ERAP1: variants seen among roughly 807,000 people sequenced by gnomAD.
The protein encoded by ERAP1 is endoplasmic reticulum aminopeptidase 1, also known as adipocyte-derived leucine aminopeptidase.
A neutral mutation model predicts 103.7 loss-of-function variants in ERAP1; 86 were observed. That is an observed-to-expected ratio of 0.83 (90% CI 0.70 to 0.99). The LOEUF (loss-of-function observed/expected upper bound fraction) is 0.99. Among genes scored for constraint, ERAP1 ranks in the 50% least tolerant of loss-of-function variants. The probability of loss-of-function intolerance (pLI) is 0.00; values close to 1 mark genes in which losing one functional copy is unlikely to be tolerated. For missense variants in ERAP1, 1,009 were observed against 1,128.4 expected (o/e 0.89, Z 1.52); for synonymous variants, 398 against 402.4 (o/e 0.99, Z 0.13).
the ERAP1 span, among the ~76,000 whole-genome samples, chr5:96,816,743 C>T: frequency 6.6e-6 from 1 of 152,296 alleles, no homozygotes; most frequent in South Asian, 2.1e-4. Context: ...GACTTCCTGG[C>T]TTCTGCCACA....
the ERAP1 span, among the ~76,000 whole-genome samples, chr5:96,834,690 A>G: frequency 6.6e-6 from 1 of 152,218 alleles, no homozygotes; most frequent in East Asian, 1.9e-4. Flanking sequence ...AGTTTCTTCA[A>G]TGAAGAAACA....
At chr5:96,925,769 G>A in the ERAP1 span, among the ~76,000 whole-genome samples, 1 of 152,130 alleles carries the variant, frequency 6.6e-6, no homozygotes, top group Non-Finnish European at 1.5e-5. Flanking sequence ...TATACCTGTA[G>A]AATTTTCTAT....
At chr5:96,810,495 C>T (rs139429781), upstream of ERAP1, among the ~76,000 whole-genome samples, 76 of 152,240 alleles carry the variant, frequency 5.0e-4, no homozygotes, top group African/African-American at 1.7e-3. Context: ...TGAGACAGGT[C>T]GGCAACTTGC....
the ERAP1 span, among the ~76,000 whole-genome samples, chr5:96,865,892 G>A: frequency 6.6e-6 from 1 of 152,092 alleles, no homozygotes; most frequent in South Asian, 2.1e-4. Context: ...CTTTCATCAG[G>A]CCTTGTCAAG....
the ERAP1 span, among the ~76,000 whole-genome samples, chr5:96,923,677 C>G: frequency 7.9e-4 from 111 of 141,058 alleles, no homozygotes; most frequent in African/African-American, 2.8e-3. Context: ...CTGGGCGACA[C>G]AGTGAGACTC....
At chr5:96,895,172 C>T in the ERAP1 span, 1 of 818,472 alleles carries the variant, frequency 1.2e-6, no homozygotes, top group Non-Finnish European at 1.9e-6. Flanking sequence ...AAGTTAGTAA[C>T]TATTGTATTT....
At chr5:96,785,539 C>T (rs13186739) in intron 13 of ERAP1, 80,303 of 482,464 alleles carry the variant, frequency 0.17, 7,591 homozygotes, top group Non-Finnish European at 0.21. Context: ...TACACTTCCG[C>T]CTCAGTATGA....
At chr5:96,899,755 A>C in the ERAP1 span, among the ~76,000 whole-genome samples, 1 of 152,230 alleles carries the variant, frequency 6.6e-6, no homozygotes, top group African/African-American at 2.4e-5. Flanking sequence ...AGTTGCCTAC[A>C]TGCTAAATAG....
chr5:96,915,709 C>T, the ERAP1 span: 2 of 1,591,772 alleles, frequency 1.3e-6, no homozygotes, highest in South Asian at 1.1e-5. Flanking sequence ...GCTCATATGA[C>T]ATAAGGATGA....
At chr5:96,870,631 T>C in the ERAP1 span, among the ~76,000 whole-genome samples, 1 of 152,204 alleles carries the variant, frequency 6.6e-6, no homozygotes, top group African/African-American at 2.4e-5. Flanking sequence ...CTTGATGTAG[T>C]GAGTTAATAA....
chr5:96,842,551 AT>A, the ERAP1 span, among the ~76,000 whole-genome samples: 2 of 152,060 alleles, frequency 1.3e-5, no homozygotes, highest in Non-Finnish European at 2.9e-5. Context: ...GATGTTGAGC[AT>A]TTTTTCATAT....
chr5:96,774,012 C>T (rs1773384612), downstream of ERAP1: 1 of 152,308 alleles, frequency 6.6e-6, no homozygotes, highest in Non-Finnish European at 1.5e-5. Context: ...TTTTACACAC[C>T]ACCAGCTTAA....
chr5:96,915,841 A>G, the ERAP1 span: 3 of 1,302,118 alleles, frequency 2.3e-6, no homozygotes, highest in Non-Finnish European at 3.2e-6. Flanking sequence ...AAACTTAGAT[A>G]TAATCTGATT....
At chr5:96,902,609 A>C in the ERAP1 span, 1 of 344,608 alleles carries the variant, frequency 2.9e-6, no homozygotes, top group Admixed American at 4.4e-5. Flanking sequence ...AATCTATCTT[A>C]TGTCTTATAA....
chr5:96,794,890 G>A, intron 5 of ERAP1, 152 bp downstream of exon 5: 1 of 817,966 alleles, frequency 1.2e-6, no homozygotes, highest in Non-Finnish European at 2.0e-6. Flanking sequence ...GTGAGGAGAT[G>A]CTCAGAAAGA....
In ERAP1 at chr5:96,803,907, T is replaced by C. The variant is rs112161107; in HGVS notation, c.20A>G (p.Lys7Arg). 37 of 1,607,694 alleles carry C rather than the reference T, an allele frequency of 2.3e-5. No individual in the cohort carries two copies. In the South Asian group the frequency reaches 3.3e-4, roughly 14 times the overall value. MVFLPLKWSLATMSFLL... is the reference protein window; with the variant it reads MVFLPLRWSLATMSFLL... The stretch of plus-strand genomic sequence containing the variant: ...AAATGACATGGTTGCAAGGGACCAT[T>C]TGAGGGGCAGAAACACCATCTTCTT... The change falls in exon 2 of 19, where the codon AAA (lysine) becomes AGA (arginine). Residue 7 changes from lysine to arginine, a missense_variant. By Grantham distance (26) the Lys-to-Arg change is conservative. Transcript: ENST00000443439.
the ERAP1 span, among the ~76,000 whole-genome samples, chr5:96,816,902 C>G: frequency 6.6e-6 from 1 of 152,144 alleles, no homozygotes; most frequent in Non-Finnish European, 1.5e-5. Flanking sequence ...GAGATAAGAC[C>G]CCGGACCTCA....
At chr5:96,917,392 A>C in the ERAP1 span, 4 of 1,287,764 alleles carry the variant, frequency 3.1e-6, no homozygotes, top group Non-Finnish European at 3.2e-6. Context: ...AAGTGCTGGG[A>C]TTACAGGTGT....
At chr5:96,881,486 A>T in the ERAP1 span, 1 of 456,172 alleles carries the variant, frequency 2.2e-6, no homozygotes, top group Non-Finnish European at 4.4e-6. Flanking sequence ...GGGAGGTAAG[A>T]GGAGTCTGGC....
Sources: allele counts gnomAD v4.1 joint callset (sites outside exome capture counted in the v4.1 genomes callset), GRCh38; gene constraint gnomAD v4.1.1; transcripts MANE v1.5; gene names NCBI Gene and HGNC (gene_info 2026-07-23, HGNC 2026-07-21).